Variants in ATP13A2 observed in about 807,000 individuals in gnomAD.
ATP13A2 encodes the protein polyamine-transporting ATPase 13A2.
Under a neutral mutation model 138.3 loss-of-function variants are expected in ATP13A2, and 83 were observed. The observed-to-expected ratio is 0.60, with a 90% CI of 0.50 to 0.72. The LOEUF (loss-of-function observed/expected upper bound fraction) is 0.72, where lower values mean the gene tolerates loss of function less well. Ranked by LOEUF, ATP13A2 falls within the 30% of genes least tolerant of loss-of-function variation. The probability of loss-of-function intolerance (pLI) is 0.00; values close to 1 mark genes in which losing one functional copy is unlikely to be tolerated. For synonymous variants in ATP13A2, 663 were observed against 699.0 expected (o/e 0.95, Z 0.81); for missense variants, 1,402 against 1,606.4 (o/e 0.87, Z 2.17).
Position 17,011,741 on chromosome 1 carries a change from C to A in ATP13A2, c.-3G>T, listed in dbSNP as rs941502559. On this transcript the variant is annotated 5_prime_UTR_variant, in exon 1 of 29. Coordinates refer to ENST00000326735, the MANE Select transcript of ATP13A2 (RefSeq NM_022089.4). This position sits in a 1 kb window ranked among gnomAD's most constrained non-coding sequence, Gnocchi z 7.3. The stretch of plus-strand genomic sequence containing the variant: ...ACTCCGCACTCACCTGCGCTCATGC[C>A]GGCTCCTCGCGCTCATCGCCGGCCC... 4 of 1,464,814 alleles carry A rather than the reference C, an allele frequency of 2.7e-6. No individual in the cohort carries two copies. The South Asian group carries it at 5.2e-5, about 19-fold the overall frequency. The allele number at this position is 1,464,814 out of a possible 1,614,324, so 90.7% of individuals were successfully genotyped here.
chr1:17,003,991 G>A (rs756395564), intron 6 of ATP13A2, among the ~76,000 whole-genome samples: 3 of 152,096 alleles, frequency 2.0e-5, no homozygotes, highest in Non-Finnish European at 2.9e-5. Context: ...CCTTTTGTAG[G>A]TGGCAGAGCA....
chr1:16,990,132 C>T lies in ATP13A2; in HGVS notation c.2407G>A (p.Val803Ile), dbSNP rs747785443. ...GAACTCTGGGTTAGCCTCACCTTAACGCCATTCACGGCTGTGGGGGACTCC... is the reference window on the plus strand; with the variant it reads ...GAACTCTGGGTTAGCCTCACCTTAATGCCATTCACGGCTGTGGGGGACTCC... ...PMESPTAVNG[V>I]KDPDQAASYT... The change falls in exon 21 of 29, where the codon GTT (valine) becomes ATT (isoleucine). Residue 803 changes from valine (V) to isoleucine (I), a missense_variant. By Grantham distance (29) the Val-to-Ile change is conservative. Transcript: ENST00000326735. The T allele has an allele frequency of 5.0e-5, 80 of 1,614,072 alleles. No individual in the cohort carries two copies. The highest frequency in any genetic ancestry group is 1.6e-4 in the Middle Eastern group (1 of 6,084).
chr1:16,990,300 G>A lies in ATP13A2; in HGVS notation c.2252-13C>T, dbSNP rs1457363868. The A allele has an allele frequency of 1.9e-6, 3 of 1,613,756 alleles. No homozygotes were observed. Among genetic ancestry groups the A allele is most frequent in the South Asian group, 2.2e-5 (2 of 91,086 alleles). ...TGCAGGTTGTCCCCTGGGGGTTATGGGGCAAGGTGAGGGTCTGAGGCTATC... is the reference window on the plus strand; with the variant it reads ...TGCAGGTTGTCCCCTGGGGGTTATGAGGCAAGGTGAGGGTCTGAGGCTATC... On this transcript the variant is annotated splice_polypyrimidine_tract_variant and intron_variant, in intron 20 of 28. Coordinates refer to ENST00000326735, the MANE Select transcript of ATP13A2 (RefSeq NM_022089.4).
rs376714593 is a variant in ATP13A2, at chr1:16,995,943, G to C, written c.1542+33C>G. 5.0e-6 allele frequency: 8 copies of C among 1,612,458 alleles called. No homozygotes were observed. Among genetic ancestry groups the C allele is most frequent in the Non-Finnish European group, 5.9e-6 (7 of 1,179,698 alleles). On this transcript the variant is annotated intron_variant, in intron 15 of 28. Transcript: ENST00000326735. This position sits in a 1 kb window ranked among gnomAD's most constrained non-coding sequence, Gnocchi z 4.1. ...TCACTGGGGCGCCTGTGGCTGTCCC[G>C]CTCCCCTGCACCAACCCCACCTGCG...
In ATP13A2 at chr1:16,989,878, C is replaced by T. The variant is rs200809857; in HGVS notation, c.2529+9G>A. 2.3e-4 allele frequency: 362 copies of T among 1,606,012 alleles called. 3 individuals are homozygous for T. In the East Asian group the frequency reaches 7.4e-3, roughly 33 times the overall value. On this transcript the variant is annotated intron_variant, in intron 22 of 28. Transcript: ENST00000326735. ...CGCAGGGCGGCCAGGGAGCTGGGGG[C>T]GGCCCTACCTTGGGCAGCAGCTTGG... is the stretch of plus-strand genomic sequence containing the variant.
In ATP13A2 at chr1:17,004,375, G is replaced by A. The variant is rs1471625532; in HGVS notation, c.514C>T (p.Arg172Cys). The A allele has an allele frequency of 1.2e-6, 2 of 1,614,058 alleles. No homozygotes were observed. Among genetic ancestry groups the A allele is most frequent in the Non-Finnish European group, 1.7e-6 (2 of 1,180,006 alleles). The change falls in exon 6 of 29, where the codon CGC (arginine) becomes TGC (cysteine). Residue 172 changes from arginine to cysteine, a missense_variant. Physicochemically the swap from Arg to Cys is radical, Grantham distance 180 (BLOSUM62 -3). Coordinates refer to ENST00000326735, the MANE Select transcript of ATP13A2 (RefSeq NM_022089.4). This position sits in a 1 kb window ranked among gnomAD's most constrained non-coding sequence, Gnocchi z 4.1. ...VLRYYLFQGQ[R>C]YIWIETQQAF... The stretch of plus-strand genomic sequence containing the variant: ...TGCTGGGTCTCGATCCAGATATAGC[G>A]CTGGCCCTGGAAGAGGTAATACCGC...
chr1:16,993,308 C>T (rs887113963), intron 16 of ATP13A2, among the ~76,000 whole-genome samples: 3 of 152,130 alleles, frequency 2.0e-5, no homozygotes, highest in Non-Finnish European at 2.9e-5. Context: ...CTCGCCCTCC[C>T]GGGCTCAATT....
At chr1:16,998,856 C>T (rs1266227142) in intron 11 of ATP13A2, among the ~76,000 whole-genome samples, 1 of 152,118 alleles carries the variant, frequency 6.6e-6, no homozygotes, top group East Asian at 1.9e-4. Context: ...GCATACAATC[C>T]CACGTTCAGA....
chr1:16,999,350 A>C (rs1015657036), intron 11 of ATP13A2, among the ~76,000 whole-genome samples: 7 of 139,054 alleles, frequency 5.0e-5, no homozygotes, highest in African/African-American at 1.9e-4. Context: ...ATGGTACTCC[A>C]GCCGGGGCAA....
At chr1:17,010,256 T>G (rs1290749526) in intron 1 of ATP13A2, among the ~76,000 whole-genome samples, 1 of 152,164 alleles carries the variant, frequency 6.6e-6, no homozygotes, top group Admixed American at 6.5e-5. Context: ...TTTTGTATTT[T>G]TAGTAGAGAC....
chr1:16,996,646 G>A, intron 12 of ATP13A2, 150 bp from the exon 13 acceptor site: 1 of 680,034 alleles, frequency 1.5e-6, no homozygotes, highest in Non-Finnish European at 2.6e-6. Flanking sequence ...AACAGGTCTG[G>A]CCCGGCTCTT....
chr1:17,000,243 C>A lies in ATP13A2; in HGVS notation c.907+3G>T. The A allele has an allele frequency of 6.4e-7, 1 of 1,561,580 alleles. No individual in the cohort carries two copies. Among genetic ancestry groups the A allele is most frequent in the Non-Finnish European group, 8.7e-7 (1 of 1,152,730 alleles). On this transcript the variant is annotated splice_donor_region_variant and intron_variant, in intron 10 of 28. Coordinates refer to ENST00000326735, the MANE Select transcript of ATP13A2 (RefSeq NM_022089.4). ...CCCCGCCCCCTGGGCCCTAGCTCCTCACCTCCCCCTGGCCGGCACACGCAC... is the reference window on the plus strand; with the variant it reads ...CCCCGCCCCCTGGGCCCTAGCTCCTAACCTCCCCCTGGCCGGCACACGCAC...
At chr1:17,005,643 C>T in intron 2 of ATP13A2, 41 bp downstream of exon 2, 1 of 1,612,924 alleles carries the variant, frequency 6.2e-7, no homozygotes, top group Non-Finnish European at 8.5e-7. Flanking sequence ...CCTGGGCATT[C>T]ACCCCCTGCA....
chr1:16,994,777 C>T (rs1448100936), intron 15 of ATP13A2, among the ~76,000 whole-genome samples: 5 of 152,178 alleles, frequency 3.3e-5, no homozygotes, highest in Admixed American at 2.6e-4. Flanking sequence ...ATTCTCCTGC[C>T]CCAGCCTCCC....
In ATP13A2 at chr1:16,995,349, T is replaced by G. The variant is rs2077079913; in HGVS notation, c.1542+627A>C. The G allele has an allele frequency of 1.1e-5, 2 of 183,846 alleles. No individual in the cohort carries two copies. Among genetic ancestry groups the G allele is most frequent in the Admixed American group, 1.1e-4 (2 of 18,584 alleles). The allele number at this position is 183,846 out of a possible 1,614,324, so 11.4% of individuals were successfully genotyped here. A position where few individuals can be genotyped will look rare whatever the true frequency, so the allele number is the denominator to read the frequency against. On this transcript the variant is annotated intron_variant, in intron 15 of 28. Coordinates refer to ENST00000326735, the MANE Select transcript of ATP13A2 (RefSeq NM_022089.4). This position sits in a 1 kb window ranked among gnomAD's most constrained non-coding sequence, Gnocchi z 4.1. ...GCTCCTTTGTGCACTCCTGGATCAC[T>G]TACTTTGGTGGGGGACACACACACT...
intron 1 of ATP13A2, among the ~76,000 whole-genome samples, chr1:17,007,203 C>T (rs2077590584): frequency 6.6e-6 from 1 of 152,102 alleles, no homozygotes; most frequent in Non-Finnish European, 1.5e-5. Flanking sequence ...CTCCTTCCTC[C>T]TGTGCTGTAG....
chr1:17,010,012 C>T (rs928859808), intron 1 of ATP13A2, among the ~76,000 whole-genome samples: 3 of 152,204 alleles, frequency 2.0e-5, no homozygotes, highest in Non-Finnish European at 2.9e-5. Flanking sequence ...CCAGAACAGG[C>T]ACCCACAGGC....
At chr1:17,001,120 A>G (rs1441637304) in intron 8 of ATP13A2, among the ~76,000 whole-genome samples, 1 of 152,122 alleles carries the variant, frequency 6.6e-6, no homozygotes, top group Non-Finnish European at 1.5e-5. Flanking sequence ...CCACTGGCCT[A>G]AAACCACATA....
chr1:16,991,202 C>T (rs1226764535), intron 20 of ATP13A2, among the ~76,000 whole-genome samples: 1 of 152,132 alleles, frequency 6.6e-6, no homozygotes, highest in African/African-American at 2.4e-5. Context: ...CCGCCCGCGT[C>T]GGCCTCCCAA....
Sources: gnomAD v4.1 joint callset for allele counts (sites outside exome capture counted in the v4.1 genomes callset) on GRCh38, gnomAD v4.1.1 for gene constraint, Gnocchi (gnomAD v3.1) non-coding constraint, MANE v1.5 for transcripts, NCBI Gene and HGNC (gene_info 2026-07-23, HGNC 2026-07-21) for gene names.